The following DNAH5 variants were observed in gnomAD, a reference collection of about 807,000 sequenced individuals.
DNAH5 encodes dynein axonemal heavy chain 5, also known as axonemal beta dynein heavy chain 5.
Under a neutral mutation model 518.2 loss-of-function variants are expected in DNAH5, and 372 were observed. The ratio of observed to expected loss-of-function variants is 0.72; its 90% CI spans 0.66 to 0.78. DNAH5 has a LOEUF of 0.78. Among genes scored for constraint, DNAH5 ranks in the 30% least tolerant of loss-of-function variants. The probability of loss-of-function intolerance (pLI) is 0.00; values close to 1 mark genes in which losing one functional copy is unlikely to be tolerated. For missense variants in DNAH5, 5,523 were observed against 5,687.0 expected (o/e 0.97, Z 0.93); for synonymous variants, 2,039 against 2,025.9 (o/e 1.01, Z -0.17).
rs1446642678 is a variant in DNAH5, at chr5:13,792,166, ACTT to A, written c.8273_8275del (p.Glu2758del). On this transcript the variant is annotated inframe_deletion, in exon 50 of 79. Coordinates refer to ENST00000265104, the MANE Select transcript of DNAH5 (RefSeq NM_001369.3). ...CACCAATTTTGTCACAGAATCTCTC[ACTT>A]CTTCTGAGAAACCCCTCTGAGTACA... 1.9e-6 allele frequency: 3 copies of A among 1,613,984 alleles called. No individual in the cohort carries two copies. Among genetic ancestry groups the A allele is most frequent in the African/African-American group, 1.3e-5 (1 of 75,010 alleles).
chr5:13,871,127 G>T, intron 23 of DNAH5, 125 bp from the exon 24 acceptor site: 1 of 691,564 alleles, frequency 1.4e-6, no homozygotes, highest in Non-Finnish European at 2.4e-6. Context: ...ACAAAAAATT[G>T]AACTGGAAAA....
chr5:13,755,003 G>A (rs900909809), intron 61 of DNAH5, among the ~76,000 whole-genome samples: 6 of 152,086 alleles, frequency 3.9e-5, no homozygotes, highest in East Asian at 2.0e-4. Context: ...TTAGCTGGGC[G>A]TGGTGGCAGG....
chr5:13,811,195 T>C (rs1210761324), intron 44 of DNAH5, among the ~76,000 whole-genome samples: 4 of 152,192 alleles, frequency 2.6e-5, no homozygotes, highest in Admixed American at 6.5e-5. Flanking sequence ...GGGAGTCCAA[T>C]TGTAATGTTC....
intron 32 of DNAH5, among the ~76,000 whole-genome samples, chr5:13,842,437 A>AAGAGAGAGAGAGAGAGAGAGAGAG (rs1367769157): frequency 2.2e-5 from 2 of 91,324 alleles, no homozygotes; most frequent in African/African-American, 9.0e-5. Context: ...GAAAGAAAGA[A>AAGAGAGAGAGAGAGAGAGAGAGAG]AGAAAGAAAG....
At chr5:13,957,061 T>C (rs969871496) in intron 1 of DNAH5, among the ~76,000 whole-genome samples, 1 of 152,216 alleles carries the variant, frequency 6.6e-6, no homozygotes, top group African/African-American at 2.4e-5. Context: ...AATCCTCAGA[T>C]TCTGGTTACA....
chr5:13,775,213 C>T (rs1460937588), intron 55 of DNAH5, among the ~76,000 whole-genome samples: 2 of 137,376 alleles, frequency 1.5e-5, no homozygotes, highest in Admixed American at 1.5e-4. Context: ...CTGGCCTTTT[C>T]TCAAACTTCT....
intron 54 of DNAH5, 137 bp from the exon 55 acceptor site, chr5:13,776,843 T>A: frequency 1.1e-6 from 1 of 927,602 alleles, no homozygotes; most frequent in South Asian, 1.5e-5. Flanking sequence ...GTTTTCAAGA[T>A]GAAATACACT....
intron 32 of DNAH5, among the ~76,000 whole-genome samples, chr5:13,842,427 G>GAAAGA (rs1554073337): frequency 2.8e-5 from 1 of 35,486 alleles, no homozygotes; most frequent in African/African-American, 1.1e-4. Context: ...GAAAAGAAAA[G>GAAAGA]AAAGAAAGAA....
chr5:13,810,393 C>A (rs944114755), intron 44 of DNAH5, 133 bp from the exon 45 acceptor site: 2 of 786,844 alleles, frequency 2.5e-6, no homozygotes, highest in East Asian at 5.3e-5. Flanking sequence ...AGGATGAATA[C>A]AACTGGAGAA....
chr5:13,701,368 G>A lies in DNAH5; in HGVS notation c.13407C>T (p.Thr4469=). 2 of 1,613,968 alleles carry A rather than the reference G, an allele frequency of 1.2e-6. No homozygotes were observed. Among genetic ancestry groups the A allele is most frequent in the South Asian group, 1.1e-5 (1 of 91,068 alleles). ...TELIERNSQF[T]SWVFNGRPHC... ...GAGGTCGGCCATTGAAAACCCACGA[G>A]GTAAACTGGCTGTTTCTTTCTATAA... The change falls in exon 77 of 79, where the codon ACC becomes ACT. Residue 4469 remains threonine (T), a synonymous_variant. Coordinates refer to ENST00000265104, the MANE Select transcript of DNAH5 (RefSeq NM_001369.3).
In DNAH5 at chr5:13,711,275, C is replaced by T. The variant is rs894265361; in HGVS notation, c.13126-2940G>A. ...GAATTAAAAACAAAAATCACATGAT[C>T]ATCCCAATAGATGCAGAAAAAGCAT... On this transcript the variant is annotated intron_variant, in intron 75 of 78. Transcript: ENST00000265104. 5.3e-5 allele frequency among the ~76,000 whole-genome samples: 8 copies of T among 152,266 alleles called. No individual in the cohort carries two copies. The East Asian group carries it at 9.7e-4, about 18-fold the overall frequency.
chr5:13,716,156 CACAG>C (rs1456604999), intron 74 of DNAH5, among the ~76,000 whole-genome samples: 12 of 152,196 alleles, frequency 7.9e-5, no homozygotes, highest in African/African-American at 2.9e-4. Flanking sequence ...GCCGAAGTTT[CACAG>C]ACAGAGAACT....
intron 1 of DNAH5, among the ~76,000 whole-genome samples, chr5:13,958,578 A>C (rs926292577): frequency 6.6e-6 from 1 of 152,202 alleles, no homozygotes; most frequent in Non-Finnish European, 1.5e-5. Flanking sequence ...AGTAGAATTA[A>C]AGACAAAGGC....
At chr5:13,977,802 T>C (rs1782375958) in intron 1 of DNAH5, among the ~76,000 whole-genome samples, 1 of 152,094 alleles carries the variant, frequency 6.6e-6, no homozygotes, top group African/African-American at 2.4e-5. Flanking sequence ...TGGTGGGGGC[T>C]GGGAGGGTTC....
chr5:13,838,442 G>A (rs993201609), intron 35 of DNAH5, among the ~76,000 whole-genome samples: 3 of 152,106 alleles, frequency 2.0e-5, no homozygotes, highest in Non-Finnish European at 2.9e-5. Context: ...TCATATCAGC[G>A]GCAGTATTCT....
intron 30 of DNAH5, among the ~76,000 whole-genome samples, chr5:13,857,783 T>C (rs1034963798): frequency 6.6e-6 from 1 of 152,110 alleles, no homozygotes; most frequent in Non-Finnish European, 1.5e-5. Context: ...ATTTATTAAA[T>C]GATGTTGGGA....
chr5:13,811,616 G>A, intron 44 of DNAH5, 31 bp downstream of exon 44: 1 of 1,606,340 alleles, frequency 6.2e-7, no homozygotes, highest in Non-Finnish European at 8.5e-7. Context: ...GTTGATAAGA[G>A]AGAATTTCTC....
intron 12 of DNAH5, among the ~76,000 whole-genome samples, chr5:13,904,355 G>A (rs1467644725): frequency 2.0e-5 from 3 of 148,596 alleles, no homozygotes; most frequent in African/African-American, 7.4e-5. Flanking sequence ...GAGAGATATG[G>A]ATTATATTTT....
intron 16 of DNAH5, among the ~76,000 whole-genome samples, chr5:13,893,778 G>A (rs1773558988): frequency 6.6e-6 from 1 of 152,062 alleles, no homozygotes; most frequent in Non-Finnish European, 1.5e-5. Flanking sequence ...GCGGTCACAG[G>A]AGGTAGAGTA....
Sources: gnomAD v4.1 joint callset for allele counts (sites outside exome capture counted in the v4.1 genomes callset) on GRCh38, gnomAD v4.1.1 for gene constraint, MANE v1.5 for transcripts, NCBI Gene and HGNC (gene_info 2026-07-23, HGNC 2026-07-21) for gene names.